RALGDS: variants seen among roughly 807,000 people sequenced by gnomAD.
RALGDS encodes ral guanine nucleotide dissociation stimulator.
RALGDS carries 44 observed loss-of-function variants against 99.8 expected under a neutral mutation model. The ratio of observed to expected loss-of-function variants is 0.44; its 90% confidence interval spans 0.35 to 0.57. The LOEUF is 0.57. Among genes scored for constraint, RALGDS ranks in the 20% least tolerant of loss-of-function variants. RALGDS has a pLI of 0.01. For synonymous variants in RALGDS, 529 were observed against 505.0 expected (o/e 1.05, Z -0.64); for missense variants, 1,022 against 1,203.1 (o/e 0.85, Z 2.23).
At chr9:133,123,614 C>T (rs1472732602), upstream of RALGDS, among the ~76,000 whole-genome samples, 1 of 152,230 alleles carries the variant, frequency 6.6e-6, no homozygotes, top group Middle Eastern at 3.2e-3. Flanking sequence ...GCCTTGTTCC[C>T]CTACCTTTGG....
At chr9:133,138,570 G>A (rs1832463790) in intron 1 of RALGDS, among the ~76,000 whole-genome samples, 1 of 152,218 alleles carries the variant, frequency 6.6e-6, no homozygotes, top group Admixed American at 6.5e-5. Flanking sequence ...GGGTCCGGCT[G>A]TCAACCCAGT....
At chr9:133,099,884 C>T (rs987639418) in intron 17 of RALGDS, 1 of 302,774 alleles carries the variant, frequency 3.3e-6, no homozygotes, top group Non-Finnish European at 6.5e-6. Context: ...GAATCACACA[C>T]TCATGGATTT....
chr9:133,123,240 A>G (rs1832010798), upstream of RALGDS, among the ~76,000 whole-genome samples: 1 of 152,098 alleles, frequency 6.6e-6, no homozygotes, highest in Admixed American at 6.6e-5. Context: ...GCCTCCGGAA[A>G]CTGAAAGTCC....
chr9:133,127,015 GC>G (rs1832183739), intron 1 of RALGDS, among the ~76,000 whole-genome samples: 2 of 152,172 alleles, frequency 1.3e-5, no homozygotes. Context: ...TGTGGCCCCA[GC>G]TCCCCACTCC....
intron 1 of RALGDS, among the ~76,000 whole-genome samples, chr9:133,128,036 C>T (rs35163606): frequency 0.24 from 36,406 of 152,070 alleles, 4,858 homozygotes; most frequent in Middle Eastern, 0.38. Context: ...GGGGGAGGCA[C>T]GCAGAGGAAC....
chr9:133,148,465 C>T (rs1190076136), intron 1 of RALGDS, among the ~76,000 whole-genome samples: 1 of 152,032 alleles, frequency 6.6e-6, no homozygotes, highest in Non-Finnish European at 1.5e-5. Flanking sequence ...CTGCCCGTGG[C>T]AGAGTAGCCC....
chr9:133,138,565 C>T (rs1051618961), intron 1 of RALGDS, among the ~76,000 whole-genome samples: 12 of 152,184 alleles, frequency 7.9e-5, no homozygotes, highest in African/African-American at 1.4e-4. Context: ...GAGCTGGGTC[C>T]GGCTGTCAAC....
intron 12 of RALGDS, 133 bp from the exon 13 acceptor site, chr9:133,103,033 G>A: frequency 6.9e-7 from 1 of 1,444,272 alleles, no homozygotes; most frequent in Non-Finnish European, 9.5e-7. Flanking sequence ...TCAAAGTTGG[G>A]CTCAGCCACT....
chr9:133,105,252 G>T (rs1830960612), intron 9 of RALGDS, among the ~76,000 whole-genome samples: 1 of 152,152 alleles, frequency 6.6e-6, no homozygotes, highest in Non-Finnish European at 1.5e-5. Context: ...GGTATGCCAG[G>T]GGCACCAGGC....
chr9:133,145,885 G>A (rs1302849236), intron 1 of RALGDS, among the ~76,000 whole-genome samples: 1 of 152,196 alleles, frequency 6.6e-6, no homozygotes, highest in Non-Finnish European at 1.5e-5. Flanking sequence ...GGATTAGGAA[G>A]GAAAAGGGCC....
chr9:133,109,454 GTCTT>G (rs1042585204), intron 4 of RALGDS, among the ~76,000 whole-genome samples, 168 bp downstream of exon 4: 1 of 152,144 alleles, frequency 6.6e-6, no homozygotes, highest in African/African-American at 2.4e-5. Context: ...GCTCTCGGTC[GTCTT>G]TCTTCCTGCA....
Position 133,106,020 on chromosome 9 carries a change from T to C in RALGDS, c.1518-4A>G. ...CTGAAAGATCCGGAAACTGTCCCTG[T>C]CAGAAGGGCAAAGAAGGAAAGAGAA... On this transcript the variant is annotated splice_region_variant and splice_polypyrimidine_tract_variant and intron_variant, in intron 8 of 17. Coordinates refer to ENST00000372050, the MANE Select transcript of RALGDS (RefSeq NM_006266.4). 6.2e-7 allele frequency: 1 copy of C among 1,606,010 alleles called. No individual in the cohort carries two copies.
chr9:133,140,894 CTG>C (rs1370240340), intron 1 of RALGDS, among the ~76,000 whole-genome samples: 1 of 152,196 alleles, frequency 6.6e-6, no homozygotes, highest in Non-Finnish European at 1.5e-5. Flanking sequence ...CCGCCACTGT[CTG>C]TGCTGCCCTC....
In RALGDS at chr9:133,118,657, C is replaced by G. The variant is rs373266682; in HGVS notation, c.183+2315G>C. ...GCTTGCTTCCTCCAGGTAGCTCTCCCCAGCGTCCTGTGGCCCAAAGCACTT... is the reference window on the plus strand; with the variant it reads ...GCTTGCTTCCTCCAGGTAGCTCTCCGCAGCGTCCTGTGGCCCAAAGCACTT... On this transcript the variant is annotated intron_variant, in intron 1 of 17. Transcript: ENST00000372050. 5.9e-5 allele frequency among the ~76,000 whole-genome samples: 9 copies of G among 152,318 alleles called. No individual in the cohort carries two copies. In the East Asian group the frequency reaches 1.2e-3, roughly 20 times the overall value.
chr9:133,126,184 GC>G (rs1023835039), upstream of RALGDS, among the ~76,000 whole-genome samples: 2 of 139,834 alleles, frequency 1.4e-5, no homozygotes, highest in Non-Finnish European at 3.1e-5. Flanking sequence ...CCCAGCTCAC[GC>G]CCCCCCACAC....
rs767809928 is a variant in RALGDS, at chr9:133,112,134, C to G, written c.202G>C (p.Gly68Arg). 3 of 1,567,054 alleles carry G rather than the reference C, an allele frequency of 1.9e-6. No homozygotes were observed. The highest frequency in any genetic ancestry group is 2.6e-6 in the Non-Finnish European group (3 of 1,155,132). Reference sequence around the variant, plus strand: ...ATGACTCCGTTGATCAGCTCCTCACCGATCTCCTGCGTGGAGCTCTGTGAA... The same window carrying G: ...ATGACTCCGTTGATCAGCTCCTCACGGATCTCCTGCGTGGAGCTCTGTGAA... ...PRPESSTQEI[G>R]EELINGVIYS... The change falls in exon 2 of 18, where the codon GGT (glycine) becomes CGT (arginine). Residue 68 changes from glycine to arginine, a missense_variant. By Grantham distance (125) the Gly-to-Arg change is moderately radical. Coordinates refer to ENST00000372050, the MANE Select transcript of RALGDS (RefSeq NM_006266.4).
Position 133,098,612 on chromosome 9 carries a change from A to C in RALGDS, c.2720T>G (p.Leu907Arg). The change falls in exon 18 of 18, where the codon CTC becomes CGC. Residue 907 changes from leucine to arginine, a missense_variant. Physicochemically the swap from Leu to Arg is moderately radical, Grantham distance 102. Around this residue, in one of 3 missense-constraint regions of RALGDS, gnomAD observed 825 missense variants for 994.5 expected, o/e 0.83. Coordinates refer to ENST00000372050, the MANE Select transcript of RALGDS (RefSeq NM_006266.4). ...TCAGAAGATGCCCTTGGCAATCTTG[A>C]GTCCTTTCTGCTTCATGCGAGGGAG... ...STLPRMKQKG[L>R]KIAKGIF 4 of 1,614,182 alleles carry C rather than the reference A, an allele frequency of 2.5e-6. No homozygotes were observed. Among genetic ancestry groups the C allele is most frequent in the Non-Finnish European group, 3.4e-6 (4 of 1,180,016 alleles).
At chr9:133,109,584 G>A in intron 4 of RALGDS, 42 bp downstream of exon 4, 1 of 1,544,832 alleles carries the variant, frequency 6.5e-7, no homozygotes. Context: ...CCACTGTTCG[G>A]TGGGGACAGG....
At chr9:133,126,068 G>A (rs916626), upstream of RALGDS, among the ~76,000 whole-genome samples, 146 of 152,256 alleles carry the variant, frequency 9.6e-4, 1 homozygote, top group Non-Finnish European at 1.8e-3. Flanking sequence ...TGTGCTTGGC[G>A]GTTGGAGCCT....
Sources: gnomAD v4.1 joint callset for allele counts (sites outside exome capture counted in the v4.1 genomes callset) on GRCh38, gnomAD v4.1.1 for gene constraint, gnomAD v4.1.1 regional missense constraint, MANE v1.5 for transcripts, NCBI Gene and HGNC (gene_info 2026-07-23, HGNC 2026-07-21) for gene names.